The following ARSH variants were observed in gnomAD, a reference collection of about 807,000 sequenced individuals.
The protein encoded by ARSH is arylsulfatase family member H.
A neutral mutation model predicts 28.7 loss-of-function variants in ARSH; 32 were observed. The observed-to-expected ratio is 1.11, with a 90% confidence interval of 0.84 to 1.50. The LOEUF is 1.50. ARSH is among the 40% of genes most tolerant of loss of function. The probability of loss-of-function intolerance (pLI) is 0.00; values close to 1 mark genes in which losing one functional copy is unlikely to be tolerated. For synonymous variants in ARSH, 176 were observed against 177.3 expected, an observed-to-expected ratio of 0.99 and a Z score of 0.06; for missense variants, 440 against 452.4, an observed-to-expected ratio of 0.97 and a Z score of 0.25.
chrX:3,031,515 C>G (rs764816535), intron 8 of ARSH, among the ~76,000 whole-genome samples: 6 of 111,652 alleles, frequency 5.4e-5, no homozygotes, highest in Non-Finnish European at 9.4e-5. Context: ...AGAATTCTTA[C>G]TTGGTTGGAT....
At chrX:3,029,142 C>T in intron 7 of ARSH, 105 bp from the exon 8 acceptor site, 1 of 891,222 alleles carries the variant, frequency 1.1e-6, no homozygotes, top group Non-Finnish European at 1.5e-6. Context: ...TCTTCCTCCC[C>T]TTCCTTTTCC....
At chrX:3,015,505 G>A in intron 4 of ARSH, 112 bp downstream of exon 4, 2 of 758,747 alleles carry the variant, frequency 2.6e-6, no homozygotes, top group East Asian at 3.5e-5. Context: ...GAGAGAATGT[G>A]CGGCATTTGG....
intron 6 of ARSH, among the ~76,000 whole-genome samples, chrX:3,025,006 G>C (rs2089895015): frequency 9.1e-6 from 1 of 110,432 alleles, no homozygotes; most frequent in Admixed American, 9.8e-5. Flanking sequence ...AAAAAGTTCT[G>C]TGTGTGTGTG....
chrX:3,032,564 T>A (rs1422149949), intron 8 of ARSH, among the ~76,000 whole-genome samples: 63 of 66,532 alleles, frequency 9.5e-4, no homozygotes, highest in East Asian at 2.8e-3. Context: ...AAGAAGAGAG[T>A]GAGAAAGAGG....
rs756818876 is a variant in ARSH, at chrX:3,016,569, G to A, written c.764+1176G>A. 2.1e-4 allele frequency among the ~76,000 whole-genome samples: 23 copies of A among 109,844 alleles called. No individual in the cohort carries two copies. The South Asian group carries it at 8.4e-3, about 40-fold the overall frequency. On this transcript the variant is annotated intron_variant, in intron 4 of 8. Transcript: ENST00000381130. ...TCATCCCATACCAGCTCACTCCTAC[G>A]TTACAAATTATTACTATTATTATTT...
chrX:3,033,368 C>A lies in ARSH; in HGVS notation c.1672C>A (p.Leu558Ile), dbSNP rs755599706. Residue 558 changes from leucine to isoleucine, a missense_variant, in exon 9 of 9, where the codon CTT (leucine) becomes ATT (isoleucine). Coordinates refer to ENST00000381130, the MANE Select transcript of ARSH (RefSeq NM_001011719.2). ...FCGCDKEDDI[L>I]PMAP ...TGGGTGTGACAAGGAAGATGACATC[C>A]TTCCCATGGCTCCCTGAGACCATGC... 6 of 1,201,916 alleles carry A rather than the reference C, an allele frequency of 5.0e-6. No homozygotes were observed. Among genetic ancestry groups the A allele is most frequent in the Non-Finnish European group, 5.6e-6 (5 of 890,880 alleles).
chrX:3,011,935 C>G (rs752390208), intron 2 of ARSH, among the ~76,000 whole-genome samples: 5 of 111,511 alleles, frequency 4.5e-5, no homozygotes, highest in Non-Finnish European at 9.4e-5. Flanking sequence ...CTCTGCCTCC[C>G]AGGTTCAAGT....
intron 4 of ARSH, among the ~76,000 whole-genome samples, chrX:3,018,205 C>T (rs2089871106): frequency 9.0e-6 from 1 of 111,590 alleles, no homozygotes; most frequent in Admixed American, 9.5e-5. Context: ...TGCCATGTTG[C>T]CTGGGCTGGT....
At chrX:3,032,354 A>G (rs958567243) in intron 8 of ARSH, among the ~76,000 whole-genome samples, 3 of 107,915 alleles carry the variant, frequency 2.8e-5, no homozygotes, top group Non-Finnish European at 3.8e-5. Flanking sequence ...TTTGGTAACC[A>G]TTTCATATCA....
At chrX:3,032,914 A>T in intron 8 of ARSH, 104 bp from the exon 9 acceptor site, 1 of 847,069 alleles carries the variant, frequency 1.2e-6, no homozygotes, top group Non-Finnish European at 1.7e-6. Flanking sequence ...GCAGAAGAGT[A>T]TTATCAATCA....
chrX:3,018,150 A>G (rs2147456212), intron 4 of ARSH, among the ~76,000 whole-genome samples: 1 of 111,672 alleles, frequency 9.0e-6, no homozygotes, highest in African/African-American at 3.2e-5. Context: ...CAGGTGTGCC[A>G]TTAAGCACAG....
intron 5 of ARSH, among the ~76,000 whole-genome samples, chrX:3,020,206 C>T (rs1315238805): frequency 4.4e-5 from 4 of 89,913 alleles, no homozygotes; most frequent in African/African-American, 1.7e-4. Flanking sequence ...GTGGGTGGAT[C>T]ACTTGAACCT....
Position 3,033,619 on chromosome X carries a change from C to A in ARSH, c.*234C>A, listed in dbSNP as rs908332490. The A allele has an allele frequency of 3.8e-6, 1 of 263,593 alleles. No individual in the cohort carries two copies. The highest frequency in any genetic ancestry group is 6.4e-5 in the East Asian group (1 of 15,684). The allele number at this position is 263,593 out of a possible 1,213,427, so 21.7% of individuals were successfully genotyped here. On this transcript the variant is annotated 3_prime_UTR_variant, in exon 9 of 9. Coordinates refer to ENST00000381130, the MANE Select transcript of ARSH (RefSeq NM_001011719.2). Reference sequence around the variant, plus strand: ...ATTTTTTTCTAGTATATAATTGTGCCATTGCCCAAGGAAAAGAGCAAATCA... The same window carrying A: ...ATTTTTTTCTAGTATATAATTGTGCAATTGCCCAAGGAAAAGAGCAAATCA...
chrX:3,009,658 TA>T (rs201291322), intron 1 of ARSH, among the ~76,000 whole-genome samples: 1,691 of 109,959 alleles, frequency 0.015, 34 homozygotes, highest in African/African-American at 0.052. Flanking sequence ...GACTGTCTCT[TA>T]AAAAAATATG....
At chrX:3,015,776 AG>A (rs1215980666) in intron 4 of ARSH, among the ~76,000 whole-genome samples, 1 of 110,207 alleles carries the variant, frequency 9.1e-6, no homozygotes, top group African/African-American at 3.3e-5. Flanking sequence ...TGAGTGCAAT[AG>A]ACCCACGTAA....
intron 6 of ARSH, among the ~76,000 whole-genome samples, chrX:3,025,217 T>C (rs1199955867): frequency 9.3e-6 from 1 of 107,796 alleles, no homozygotes; most frequent in African/African-American, 3.3e-5. Flanking sequence ...ATTCATTATA[T>C]ATAATACATG....
At chrX:3,027,217 C>G in intron 6 of ARSH, 96 bp from the exon 7 acceptor site, 1 of 993,807 alleles carries the variant, frequency 1.0e-6, no homozygotes, top group Non-Finnish European at 1.4e-6. Context: ...ACCTCGGCCC[C>G]CCAAAGTGCT....
In ARSH at chrX:3,024,093, G is replaced by C. The variant is rs757947996; in HGVS notation, c.974G>C (p.Gly325Ala). The stretch of plus-strand genomic sequence containing the variant: ...TTGGTGTACTTCACCTCTGACAACG[G>C]GGGCCACCTGGAGCCCCTGGACGGG... ...HTLVYFTSDN[G>A]GHLEPLDGAV... Residue 325 changes from glycine (G) to alanine (A), a missense_variant, in exon 6 of 9, where the codon GGG (glycine) becomes GCG (alanine). Physicochemically the swap from Gly to Ala is moderately conservative, Grantham distance 60. Transcript: ENST00000381130. The C allele has an allele frequency of 1.7e-5, 20 of 1,207,763 alleles. No individual in the cohort carries two copies. The East Asian group carries it at 6.0e-4, about 36-fold the overall frequency.
intron 2 of ARSH, among the ~76,000 whole-genome samples, chrX:3,011,323 C>G (rs2089846093): frequency 9.7e-6 from 1 of 102,891 alleles, no homozygotes; most frequent in Non-Finnish European, 1.9e-5. Context: ...GATCTCAGCT[C>G]ACTGCAATCT....
Sources: allele counts gnomAD v4.1 joint callset (sites outside exome capture counted in the v4.1 genomes callset), GRCh38; gene constraint gnomAD v4.1.1; transcripts MANE v1.5; gene names NCBI Gene and HGNC (gene_info 2026-07-23, HGNC 2026-07-21).